Variants in PHACTR1 observed in about 807,000 individuals in gnomAD.
The protein encoded by PHACTR1 is RPEL repeat containing 1.
Under a neutral mutation model 69.2 loss-of-function variants are expected in PHACTR1, and 16 were observed. The ratio of observed to expected loss-of-function variants is 0.23; its 90% CI spans 0.16 to 0.35. The LOEUF (loss-of-function observed/expected upper bound fraction) is 0.35, where lower values mean the gene tolerates loss of function less well. Among genes scored for constraint, PHACTR1 ranks in the 10% least tolerant of loss-of-function variants. The pLI is 1.00. For missense variants in PHACTR1, 510 were observed against 734.7 expected (o/e 0.69, Z 3.54); for synonymous variants, 312 against 284.5 (o/e 1.10, Z -0.97).
intron 4 of PHACTR1, among the ~76,000 whole-genome samples, chr6:12,771,296 G>C (rs1362918052): frequency 2.6e-5 from 4 of 152,024 alleles, no homozygotes; most frequent in East Asian, 1.9e-4. Context: ...TAAGGAGAGG[G>C]GTAGATGACC....
chr6:13,231,118 A>G (rs1770974470), intron 10 of PHACTR1, among the ~76,000 whole-genome samples: 6 of 25,232 alleles, frequency 2.4e-4, no homozygotes, highest in African/African-American at 9.7e-4. Flanking sequence ...AGAAGGAAAG[A>G]GAGAAAGAAA....
At chr6:13,033,377 C>T (rs890177919) in intron 4 of PHACTR1, among the ~76,000 whole-genome samples, 3 of 152,154 alleles carry the variant, frequency 2.0e-5, no homozygotes, top group Admixed American at 6.5e-5. Flanking sequence ...TGACTGCATA[C>T]ACTTGTCATA....
intron 5 of PHACTR1, among the ~76,000 whole-genome samples, chr6:13,142,022 G>A (rs1822564123): frequency 6.6e-6 from 1 of 152,028 alleles, no homozygotes; most frequent in African/African-American, 2.4e-5. Context: ...CAAGGGGAGA[G>A]GGCTGAGGCT....
chr6:13,273,574 A>G (rs1206702489), intron 11 of PHACTR1: 1 of 151,482 alleles, frequency 6.6e-6, no homozygotes, highest in Non-Finnish European at 1.5e-5. Context: ...GAATATGTAC[A>G]GAGGATCCAC....
intron 5 of PHACTR1, among the ~76,000 whole-genome samples, chr6:13,100,995 C>T (rs1023780197): frequency 6.6e-6 from 1 of 152,212 alleles, no homozygotes; most frequent in Non-Finnish European, 1.5e-5. Context: ...CCCAACCCTC[C>T]AGAGATCCTG....
At chr6:13,044,953 A>G (rs749777967) in intron 4 of PHACTR1, among the ~76,000 whole-genome samples, 12 of 152,138 alleles carry the variant, frequency 7.9e-5, no homozygotes, top group Non-Finnish European at 1.8e-4. Context: ...ATGACATTTT[A>G]TGGTAAGACA....
chr6:13,283,822 A>G lies in PHACTR1; in HGVS notation c.1650+260A>G. 2 of 495,404 alleles carry G rather than the reference A, an allele frequency of 4.0e-6. No homozygotes were observed. The highest frequency in any genetic ancestry group is 3.9e-5 in the East Asian group (1 of 25,334). The allele number at this position is 495,404 out of a possible 1,614,324, so 30.7% of individuals were successfully genotyped here. On this transcript the variant is annotated intron_variant, in intron 13 of 14. Coordinates refer to ENST00000332995, the MANE Select transcript of PHACTR1 (RefSeq NM_030948.6). This position sits in a 1 kb window ranked among gnomAD's most constrained non-coding sequence, Gnocchi z 4.7. ...AGCAGCAGCCTGGGAGGCTGTGCCCAGAGAAAGAGAATAGCACTGGATAGG... is the reference window on the plus strand; with the variant it reads ...AGCAGCAGCCTGGGAGGCTGTGCCCGGAGAAAGAGAATAGCACTGGATAGG...
chr6:12,935,313 G>A (rs1287861546), intron 4 of PHACTR1, among the ~76,000 whole-genome samples: 8 of 151,848 alleles, frequency 5.3e-5, no homozygotes, highest in South Asian at 2.1e-4. Flanking sequence ...GTACAATCTC[G>A]GCTCACTGCA....
intron 4 of PHACTR1, among the ~76,000 whole-genome samples, chr6:12,993,566 T>G (rs1029509005): frequency 1.3e-5 from 2 of 152,214 alleles, no homozygotes; most frequent in African/African-American, 2.4e-5. Context: ...GAGCTAAGAC[T>G]CTGATTAAGG....
intron 4 of PHACTR1, among the ~76,000 whole-genome samples, chr6:12,854,415 G>T (rs1327496122): frequency 6.6e-6 from 1 of 152,172 alleles, no homozygotes; most frequent in Non-Finnish European, 1.5e-5. Context: ...GAGGATGTTT[G>T]TACCTTGTTA....
At position 13,265,539 on chromosome 6, in the gene PHACTR1, G is replaced by A. The variant is rs76718603; in HGVS notation, c.1392-7321G>A. Among the ~76,000 whole-genome samples, 6 of 152,262 alleles carry A rather than the reference G, an allele frequency of 3.9e-5. No homozygotes were observed. In the East Asian group the frequency reaches 7.7e-4, roughly 20 times the overall value. ...GGCAGAAATCCTAAATCACAAAGCC[G>A]TTGTGATTGGTTAGTTAATGAGAGT... On this transcript the variant is annotated intron_variant, in intron 10 of 14. Coordinates refer to ENST00000332995, the MANE Select transcript of PHACTR1 (RefSeq NM_030948.6).
intron 4 of PHACTR1, among the ~76,000 whole-genome samples, chr6:12,774,473 C>T (rs1333127649): frequency 2.0e-5 from 3 of 152,044 alleles, no homozygotes; most frequent in East Asian, 1.9e-4. Flanking sequence ...CTCACTGCAC[C>T]CCCCGCCTCC....
chr6:12,783,741 G>A (rs1260207458), intron 4 of PHACTR1, among the ~76,000 whole-genome samples: 2 of 152,170 alleles, frequency 1.3e-5, no homozygotes, highest in Non-Finnish European at 2.9e-5. Context: ...AAGGTTAGCA[G>A]GCTTAAGTGC....
chr6:12,918,139 A>G (rs777667516), intron 4 of PHACTR1, among the ~76,000 whole-genome samples: 6 of 152,176 alleles, frequency 3.9e-5, no homozygotes, highest in Non-Finnish European at 7.3e-5. Flanking sequence ...GATCACCTTT[A>G]TAAGTCATTC....
At chr6:13,065,617 A>G (rs1046637133) in intron 5 of PHACTR1, among the ~76,000 whole-genome samples, 1 of 152,078 alleles carries the variant, frequency 6.6e-6, no homozygotes, top group African/African-American at 2.4e-5. Flanking sequence ...AGAAATATAT[A>G]GCAAACAACA....
intron 4 of PHACTR1, among the ~76,000 whole-genome samples, chr6:12,765,651 G>A (rs557469231): frequency 6.6e-5 from 10 of 152,276 alleles, no homozygotes; most frequent in South Asian, 2.1e-4. Flanking sequence ...CTACAAGCCC[G>A]TCAGGCCTCT....
At chr6:12,988,700 A>T (rs1166107049) in intron 4 of PHACTR1, among the ~76,000 whole-genome samples, 1 of 152,226 alleles carries the variant, frequency 6.6e-6, no homozygotes, top group East Asian at 1.9e-4. Flanking sequence ...GTGAATAGAT[A>T]GTGGGAAAAA....
chr6:13,154,585 T>G (rs1351034260), intron 5 of PHACTR1, among the ~76,000 whole-genome samples: 1 of 152,224 alleles, frequency 6.6e-6, no homozygotes, highest in East Asian at 1.9e-4. Flanking sequence ...TCTCATGCTT[T>G]TCCAGCACCT....
chr6:12,912,239 A>G (rs1398144521), intron 4 of PHACTR1, among the ~76,000 whole-genome samples: 3 of 152,142 alleles, frequency 2.0e-5, no homozygotes, highest in African/African-American at 7.2e-5. Flanking sequence ...ACCTCAGGTG[A>G]TCCACCCACC....
Sources: allele counts gnomAD v4.1 joint callset (sites outside exome capture counted in the v4.1 genomes callset), GRCh38; gene constraint gnomAD v4.1.1; non-coding constraint Gnocchi (gnomAD v3.1); transcripts MANE v1.5; gene names NCBI Gene and HGNC (gene_info 2026-07-23, HGNC 2026-07-21).